PLCB1: variants seen among roughly 807,000 people sequenced by gnomAD.
PLCB1 encodes 1-phosphatidylinositol 4,5-bisphosphate phosphodiesterase beta-1.
Under a neutral mutation model 161.8 loss-of-function variants are expected in PLCB1, and 46 were observed. The observed-to-expected ratio is 0.28, with a 90% confidence interval of 0.22 to 0.36. The LOEUF is 0.36. Ranked by LOEUF, PLCB1 falls within the 10% of genes least tolerant of loss-of-function variation. PLCB1 has a pLI of 1.00. For synonymous variants in PLCB1, 517 were observed against 503.7 expected, an observed-to-expected ratio of 1.03 and a Z score of -0.35; for missense variants, 1,016 against 1,472.5, an observed-to-expected ratio of 0.69 and a Z score of 5.07.
intron 2 of PLCB1, among the ~76,000 whole-genome samples, chr20:8,298,294 CAAA>C (rs11474417): frequency 1.8e-5 from 2 of 113,046 alleles, no homozygotes; most frequent in Non-Finnish European, 3.9e-5. Context: ...GACTATGTCT[CAAA>C]AAAAAAAAAA....
At chr20:8,155,908 G>A (rs957219212) in intron 2 of PLCB1, among the ~76,000 whole-genome samples, 2 of 152,188 alleles carry the variant, frequency 1.3e-5, no homozygotes, top group Admixed American at 1.3e-4. Flanking sequence ...TGCTTTGTGA[G>A]GGCTGGGATT....
chr20:8,770,174 G>A (rs187846562), intron 26 of PLCB1, among the ~76,000 whole-genome samples: 6 of 151,968 alleles, frequency 3.9e-5, no homozygotes, highest in East Asian at 1.9e-4. Flanking sequence ...GGATGGCCTC[G>A]ATCTCCTGAC....
intron 3 of PLCB1, among the ~76,000 whole-genome samples, chr20:8,424,396 T>C (rs899857361): frequency 6.6e-6 from 1 of 152,234 alleles, no homozygotes; most frequent in Admixed American, 6.5e-5. Context: ...TATTATTTTG[T>C]TGAGACTAAA....
At chr20:8,380,478 G>C (rs1418529942) in intron 3 of PLCB1, among the ~76,000 whole-genome samples, 2 of 152,144 alleles carry the variant, frequency 1.3e-5, no homozygotes, top group African/African-American at 4.8e-5. Flanking sequence ...TTCTAATTCT[G>C]TGAAGAATGT....
At chr20:8,535,959 C>T (rs938080863) in intron 3 of PLCB1, among the ~76,000 whole-genome samples, 2 of 151,720 alleles carry the variant, frequency 1.3e-5, no homozygotes, top group Non-Finnish European at 2.9e-5. Context: ...AATTTTTAAA[C>T]TAAGATTATT....
chr20:8,717,003 G>T (rs1347888418), intron 13 of PLCB1, among the ~76,000 whole-genome samples: 1 of 152,168 alleles, frequency 6.6e-6, no homozygotes, highest in Non-Finnish European at 1.5e-5. Flanking sequence ...CTATCTTGTG[G>T]CTTGCACACA....
At chr20:8,312,160 T>C (rs1984430973) in intron 2 of PLCB1, among the ~76,000 whole-genome samples, 1 of 152,134 alleles carries the variant, frequency 6.6e-6, no homozygotes, top group African/African-American at 2.4e-5. Context: ...CTCAGAGAGT[T>C]ATCCTTGATT....
At chr20:8,405,991 A>C (rs1334536429) in intron 3 of PLCB1, among the ~76,000 whole-genome samples, 1 of 151,298 alleles carries the variant, frequency 6.6e-6, no homozygotes, top group African/African-American at 2.4e-5. Flanking sequence ...GACAAACACT[A>C]CTAATTAGGG....
chr20:8,297,281 A>C (rs1401562421), intron 2 of PLCB1, among the ~76,000 whole-genome samples: 2 of 152,150 alleles, frequency 1.3e-5, no homozygotes, highest in Non-Finnish European at 2.9e-5. Flanking sequence ...TGCGGATAAG[A>C]TGGACCTAGT....
chr20:8,690,629 G>A (rs1192354877), intron 10 of PLCB1, among the ~76,000 whole-genome samples: 4 of 152,144 alleles, frequency 2.6e-5, no homozygotes, highest in Non-Finnish European at 5.9e-5. Flanking sequence ...TAATAGTGAT[G>A]TTATATATAG....
chr20:8,272,118 A>G (rs189769180), intron 2 of PLCB1, among the ~76,000 whole-genome samples: 55 of 152,210 alleles, frequency 3.6e-4, no homozygotes, highest in African/African-American at 1.3e-3. Context: ...CAAAAAGAAG[A>G]GCTTAGATAT....
chr20:8,267,318 C>T (rs1481761204), intron 2 of PLCB1, among the ~76,000 whole-genome samples: 4 of 152,168 alleles, frequency 2.6e-5, no homozygotes, highest in East Asian at 1.9e-4. Flanking sequence ...TCCTAGCCCA[C>T]GGTTCACATC....
At chr20:8,282,694 T>C (rs958219988) in intron 2 of PLCB1, among the ~76,000 whole-genome samples, 5 of 151,754 alleles carry the variant, frequency 3.3e-5, no homozygotes, top group African/African-American at 9.7e-5. Context: ...ATCAAAGGGG[T>C]TGGTAGATGT....
At chr20:8,644,705 G>A (rs1474424339) in intron 4 of PLCB1, among the ~76,000 whole-genome samples, 2 of 150,600 alleles carry the variant, frequency 1.3e-5, no homozygotes, top group Non-Finnish European at 3.0e-5. Context: ...GAGGGAGGTG[G>A]GGGGGTCAGC....
At chr20:8,451,514 A>AT (rs2122648350) in intron 3 of PLCB1, among the ~76,000 whole-genome samples, 1 of 151,856 alleles carries the variant, frequency 6.6e-6, no homozygotes, top group South Asian at 2.1e-4. Context: ...CACCCAGCTA[A>AT]TTTTTTTGTA....
At chr20:8,601,272 G>C (rs949611845) in intron 3 of PLCB1, among the ~76,000 whole-genome samples, 1 of 152,236 alleles carries the variant, frequency 6.6e-6, no homozygotes, top group East Asian at 1.9e-4. Flanking sequence ...TGTTACATAG[G>C]TAAACTTGTG....
At chr20:8,726,827 T>A (rs1979964238) in intron 16 of PLCB1, among the ~76,000 whole-genome samples, 1 of 152,084 alleles carries the variant, frequency 6.6e-6, no homozygotes. Flanking sequence ...TTCTGTCATA[T>A]TAGTTATTTG....
intron 31 of PLCB1, among the ~76,000 whole-genome samples, chr20:8,814,082 G>A (rs1984962912): frequency 6.6e-6 from 1 of 152,052 alleles, no homozygotes; most frequent in Admixed American, 6.6e-5. Flanking sequence ...TTTAAATTTT[G>A]TGCCTAATTA....
chr20:8,407,269 C>T (rs1456991637), intron 3 of PLCB1, among the ~76,000 whole-genome samples: 1 of 152,022 alleles, frequency 6.6e-6, no homozygotes, highest in Non-Finnish European at 1.5e-5. Context: ...AACTCCCCAG[C>T]CTTTAAATCA....
Sources: allele counts gnomAD v4.1 joint callset (sites outside exome capture counted in the v4.1 genomes callset), GRCh38; gene constraint gnomAD v4.1.1; transcripts MANE v1.5; gene names NCBI Gene and HGNC (gene_info 2026-07-23, HGNC 2026-07-21).